Variants in FRMPD4 observed in about 807,000 individuals in gnomAD.
FRMPD4 encodes FERM and PDZ domain-containing protein 4.
In FRMPD4, 22 loss-of-function variants were observed where a neutral mutation model predicts 94.1. The observed-to-expected ratio is 0.23, with a 90% CI of 0.17 to 0.33. The LOEUF (loss-of-function observed/expected upper bound fraction) is 0.33. Ranked by LOEUF, FRMPD4 falls within the 10% of genes least tolerant of loss-of-function variation. The pLI is 1.00. For synonymous variants in FRMPD4, 631 were observed against 548.6 expected (o/e 1.15, Z -2.10); for missense variants, 1,111 against 1,339.9 (o/e 0.83, Z 2.67).
At chrX:12,018,353 G>C (rs1334032712) in intron 3 of FRMPD4, among the ~76,000 whole-genome samples, 1 of 111,333 alleles carries the variant, frequency 9.0e-6, no homozygotes, top group Non-Finnish European at 1.9e-5. Flanking sequence ...TGTTCACAGG[G>C]TGTTCTTCCC....
intron 1 of FRMPD4, among the ~76,000 whole-genome samples, chrX:12,301,580 G>T (rs1339984494): frequency 8.9e-6 from 1 of 111,958 alleles, no homozygotes; most frequent in African/African-American, 3.3e-5. Flanking sequence ...CCAAAAATCA[G>T]TGTAGTCATT....
At chrX:11,987,098 T>TAAAAAAAAAAAAAAAAAAAAAAAAAAAA (rs35377550) in intron 3 of FRMPD4, among the ~76,000 whole-genome samples, 1 of 21,843 alleles carries the variant, frequency 4.6e-5, no homozygotes. Flanking sequence ...AAAGACACAT[T>TAAAAAAAAAAAAAAAAAAAAAAAAAAAA]AAAAAAAAAA....
At chrX:12,565,965 A>G (rs776342063) in intron 2 of FRMPD4, among the ~76,000 whole-genome samples, 24 of 112,047 alleles carry the variant, frequency 2.1e-4, no homozygotes, top group African/African-American at 6.8e-4. Context: ...TTTCTTCATC[A>G]TATTAGTCAT....
chrX:11,919,913 T>TGGCA (rs2054045800), intron 3 of FRMPD4, among the ~76,000 whole-genome samples: 1 of 112,584 alleles, frequency 8.9e-6, no homozygotes, highest in Non-Finnish European at 1.9e-5. Context: ...AAAGAATTAC[T>TGGCA]GCAGGATAAC....
At chrX:12,515,009 G>T (rs1382319261) in intron 2 of FRMPD4, among the ~76,000 whole-genome samples, 1 of 111,782 alleles carries the variant, frequency 8.9e-6, no homozygotes, top group African/African-American at 3.3e-5. Context: ...TTGCATAGAG[G>T]TATTTATAGT....
chrX:12,660,679 T>C (rs979947636), intron 4 of FRMPD4, among the ~76,000 whole-genome samples: 4 of 112,363 alleles, frequency 3.6e-5, no homozygotes, highest in Admixed American at 2.8e-4. Flanking sequence ...TAGTTATCTA[T>C]TGCAGCCTAA....
intron 4 of FRMPD4, among the ~76,000 whole-genome samples, chrX:12,620,399 A>G (rs2059277069): frequency 8.9e-6 from 1 of 111,964 alleles, no homozygotes; most frequent in Non-Finnish European, 1.9e-5. Flanking sequence ...CCTATGACTC[A>G]TTTCCAGCCC....
rs188485142 is a variant in FRMPD4 at position 12,724,210 on chromosome X, A to T, written c.*2352A>T. ...TTAGAACAACTTCCCAGTCCATTGG[A>T]GTTCTTTGAGAAGCCTCAGGGAAGT... On this transcript the variant is annotated 3_prime_UTR_variant, in exon 17 of 17. Coordinates refer to ENST00000675598, the MANE Select transcript of FRMPD4 (RefSeq NM_001368397.1). 10 of 111,623 alleles carry T rather than the reference A, an allele frequency of 9.0e-5. No homozygotes were observed. The highest frequency in any genetic ancestry group is 2.9e-4 in the African/African-American group (9 of 30,769). 9.2% of individuals were successfully genotyped at this position (111,623 alleles called of 1,213,427 possible). A position where few individuals can be genotyped will look rare whatever the true frequency, so the allele number is the denominator to read the frequency against.
chrX:12,656,893 C>G (rs4294357), intron 4 of FRMPD4, among the ~76,000 whole-genome samples: 31,422 of 109,610 alleles, frequency 0.29, 3,817 homozygotes, highest in East Asian at 0.62. Context: ...GCGAGACCAG[C>G]CTGACCAACA....
At chrX:11,970,897 C>A (rs1197210812) in intron 3 of FRMPD4, among the ~76,000 whole-genome samples, 1 of 111,845 alleles carries the variant, frequency 8.9e-6, no homozygotes, top group Non-Finnish European at 1.9e-5. Context: ...AATCCAATTC[C>A]ATTTGAGTGT....
intron 1 of FRMPD4, among the ~76,000 whole-genome samples, chrX:12,278,372 C>G (rs2054474379): frequency 1.8e-5 from 2 of 111,876 alleles, no homozygotes; most frequent in African/African-American, 6.5e-5. Flanking sequence ...TGAATATATT[C>G]TTTTCCCAAC....
intron 1 of FRMPD4, among the ~76,000 whole-genome samples, chrX:12,354,739 CT>C (rs2055868956): frequency 9.0e-6 from 1 of 111,376 alleles, no homozygotes; most frequent in Non-Finnish European, 1.9e-5. Flanking sequence ...TTTCAAGTAG[CT>C]GTATAATCAT....
intron 1 of FRMPD4, among the ~76,000 whole-genome samples, chrX:12,348,644 C>T (rs1337581629): frequency 9.4e-6 from 1 of 105,897 alleles, no homozygotes; most frequent in Admixed American, 1.0e-4. Context: ...GTCCAGAAGA[C>T]CTGGAAAAAA....
chrX:12,462,092 C>G (rs2057396655), intron 1 of FRMPD4, among the ~76,000 whole-genome samples: 1 of 111,588 alleles, frequency 9.0e-6, no homozygotes, highest in South Asian at 3.8e-4. Flanking sequence ...AAAAATTTTC[C>G]TAGGAAGTAT....
In FRMPD4 at chrX:12,707,617, T is replaced by G. The variant is rs1360187577; in HGVS notation, c.1436T>G (p.Leu479Trp). The change falls in exon 13 of 17, where the codon TTG becomes TGG. Residue 479 changes from leucine (L) to tryptophan (W), a missense_variant. Around this residue, in one of 8 missense-constraint regions of FRMPD4, gnomAD observed 111 missense variants for 160.7 expected, o/e 0.69. Coordinates refer to ENST00000675598, the MANE Select transcript of FRMPD4 (RefSeq NM_001368397.1). ...GAAATGTTTTCCGAGGAGGAGAGCT[T>G]GGTGCGGGTAGAACTCCACGTGCTA... ...RIEMFSEEES[L>W]VRVELHVLDV... 1 of 1,210,013 alleles carries G rather than the reference T, an allele frequency of 8.3e-7. No homozygotes were observed. The highest frequency in any genetic ancestry group is 1.1e-6 in the Non-Finnish European group (1 of 894,519).
chrX:12,505,503 G>A (rs767057119), intron 2 of FRMPD4, among the ~76,000 whole-genome samples: 4 of 110,799 alleles, frequency 3.6e-5, no homozygotes, highest in East Asian at 5.7e-4. Flanking sequence ...TGAGGTGGGC[G>A]GATCACCTGA....
chrX:12,100,333 T>A (rs1479246123), intron 3 of FRMPD4, among the ~76,000 whole-genome samples: 1 of 112,086 alleles, frequency 8.9e-6, no homozygotes, highest in Non-Finnish European at 1.9e-5. Flanking sequence ...AGATTTTAAA[T>A]CTCACAACAG....
At chrX:12,563,283 C>A (rs1356907100) in intron 2 of FRMPD4, among the ~76,000 whole-genome samples, 1 of 108,664 alleles carries the variant, frequency 9.2e-6, no homozygotes, top group Non-Finnish European at 1.9e-5. Flanking sequence ...CATACCAGAC[C>A]TCTGAATCAG....
intron 4 of FRMPD4, among the ~76,000 whole-genome samples, chrX:12,641,533 TA>T (rs902707382): frequency 9.8e-5 from 11 of 111,933 alleles, no homozygotes; most frequent in Non-Finnish European, 1.3e-4. Flanking sequence ...TTCTTGCTTC[TA>T]TCAGCACATC....
Sources: gnomAD v4.1 joint callset for allele counts (sites outside exome capture counted in the v4.1 genomes callset) on GRCh38, gnomAD v4.1.1 for gene constraint, gnomAD v4.1.1 regional missense constraint, MANE v1.5 for transcripts, NCBI Gene and HGNC (gene_info 2026-07-23, HGNC 2026-07-21) for gene names.